RNPC3: variants seen among roughly 807,000 people sequenced by gnomAD.
RNPC3 encodes RNA binding region (RNP1, RRM) containing 3.
In RNPC3, 48 loss-of-function variants were observed where a neutral mutation model predicts 67.5. The ratio of observed to expected loss-of-function variants is 0.71; its 90% CI spans 0.56 to 0.90. The LOEUF (loss-of-function observed/expected upper bound fraction) is 0.90. Among genes scored for constraint, RNPC3 ranks in the 40% least tolerant of loss-of-function variants. RNPC3 has a pLI of 0.00. For synonymous variants in RNPC3, 239 were observed against 210.3 expected, an observed-to-expected ratio of 1.14 and a Z score of -1.18; for missense variants, 637 against 626.1, an observed-to-expected ratio of 1.02 and a Z score of -0.19.
intron 3 of RNPC3, 135 bp from the exon 4 acceptor site, chr1:103,534,639 A>C: frequency 1.6e-6 from 1 of 612,858 alleles, no homozygotes; most frequent in Middle Eastern, 4.4e-4. Context: ...TGCTTGAGAA[A>C]TACTTGAAAG....
At chr1:103,537,251 G>T in intron 6 of RNPC3, 91 bp from the exon 7 acceptor site, 2 of 865,232 alleles carry the variant, frequency 2.3e-6, no homozygotes, top group Non-Finnish European at 1.7e-6. Flanking sequence ...AAAAGACCAT[G>T]TGATAGAAAT....
intron 12 of RNPC3, among the ~76,000 whole-genome samples, chr1:103,549,572 G>A (rs1365139908): frequency 6.6e-6 from 1 of 151,998 alleles, no homozygotes; most frequent in African/African-American, 2.4e-5. Context: ...TATTACTTTG[G>A]TAGTCTCATA....
rs150654304 is a variant in RNPC3 at position 103,532,980 on chromosome 1, G to T, written c.241-759G>T. Among the ~76,000 whole-genome samples, 67 of 152,104 alleles carry T rather than the reference G, an allele frequency of 4.4e-4. No individual in the cohort carries two copies. In the East Asian group the frequency reaches 0.012, roughly 28 times the overall value. On this transcript the variant is annotated intron_variant, in intron 2 of 14. Transcript: ENST00000423855. ...TACAAATTTAGGATGGGAGAAATAG[G>T]AGCATGTTTTCATACTGATACGGAT...
intron 8 of RNPC3, among the ~76,000 whole-genome samples, chr1:103,541,737 G>A (rs866080654): frequency 6.6e-5 from 10 of 152,054 alleles, no homozygotes; most frequent in Middle Eastern, 3.4e-3. Flanking sequence ...AGATATTGTC[G>A]AAAACAAAAT....
At chr1:103,538,291 A>C (rs1651043233) in intron 7 of RNPC3, among the ~76,000 whole-genome samples, 1 of 152,196 alleles carries the variant, frequency 6.6e-6, no homozygotes, top group African/African-American at 2.4e-5. Flanking sequence ...ACAAACAAGT[A>C]TCCTTTTCAT....
At chr1:103,541,229 GT>G in intron 7 of RNPC3, 120 bp from the exon 8 acceptor site, 1 of 660,648 alleles carries the variant, frequency 1.5e-6, no homozygotes, top group South Asian at 2.5e-5. Flanking sequence ...TTTGATGTAA[GT>G]AAATCATTTT....
At chr1:103,526,920 C>G (rs1293513614) in intron 1 of RNPC3, among the ~76,000 whole-genome samples, 3 of 151,828 alleles carry the variant, frequency 2.0e-5, no homozygotes, top group Non-Finnish European at 4.4e-5. Context: ...TAAAGTTTCC[C>G]TAGGTGATTT....
chr1:103,544,176 TTGTG>T (rs373005769), intron 9 of RNPC3, among the ~76,000 whole-genome samples: 80 of 151,656 alleles, frequency 5.3e-4, no homozygotes, highest in African/African-American at 1.8e-3. Context: ...GTGTGTGTGT[TTGTG>T]TGTGTGTATG....
At chr1:103,527,264 G>A (rs886368795) in intron 1 of RNPC3, among the ~76,000 whole-genome samples, 4 of 152,100 alleles carry the variant, frequency 2.6e-5, no homozygotes, top group Non-Finnish European at 4.4e-5. Context: ...CAAAGATAAA[G>A]CACAAAGGAA....
chr1:103,544,757 T>A (rs1052506791), intron 9 of RNPC3, among the ~76,000 whole-genome samples, 184 bp from the exon 10 acceptor site: 1 of 151,810 alleles, frequency 6.6e-6, no homozygotes, highest in Non-Finnish European at 1.5e-5. Flanking sequence ...AACAAAATTT[T>A]TTTTTTTTAC....
At chr1:103,537,561 TTG>T in intron 7 of RNPC3, 77 bp downstream of exon 7, 1 of 1,236,804 alleles carries the variant, frequency 8.1e-7, no homozygotes, top group Admixed American at 2.3e-5. Context: ...TCCCTAGATT[TTG>T]TGTGTATAAT....
chr1:103,540,990 C>T (rs1042031437), intron 7 of RNPC3, among the ~76,000 whole-genome samples: 2 of 152,032 alleles, frequency 1.3e-5, no homozygotes, highest in African/African-American at 4.8e-5. Context: ...GATTTAAGAA[C>T]ATTAATATTA....
chr1:103,537,755 G>A (rs1002382572), intron 7 of RNPC3, among the ~76,000 whole-genome samples: 2 of 152,042 alleles, frequency 1.3e-5, no homozygotes, highest in Non-Finnish European at 2.9e-5. Flanking sequence ...CTTGTTATTT[G>A]TGGATTCCAT....
Position 103,527,735 on chromosome 1 carries a change from C to CTA in RNPC3, c.236_237dup (p.Lys80Ter). The CTA allele has an allele frequency of 6.5e-7, 1 of 1,546,766 alleles. No homozygotes were observed. Among genetic ancestry groups the CTA allele is most frequent in the South Asian group, 1.2e-5 (1 of 83,776 alleles). On this transcript the variant is annotated frameshift_variant, in exon 2 of 15. Transcript: ENST00000423855. LOFTEE classifies it high-confidence loss of function. ...GCCACATTCCCTAATGAAAAAGCAG[C>CTA]TATAAAGGTATGACTTTTTCTTGAC...
At chr1:103,542,624 TGTTATA>T (rs1476694651) in intron 8 of RNPC3, among the ~76,000 whole-genome samples, 2 of 151,950 alleles carry the variant, frequency 1.3e-5, no homozygotes, top group Admixed American at 6.6e-5. Flanking sequence ...TTGGACATTT[TGTTATA>T]GTCCAGAAGT....
intron 12 of RNPC3, 22 bp from the exon 13 acceptor site, chr1:103,550,919 C>T (rs1453174585): frequency 1.9e-6 from 3 of 1,606,026 alleles, no homozygotes; most frequent in Non-Finnish European, 2.5e-6. Context: ...TTCTTTGAAT[C>T]AAAACTGTTT....
intron 2 of RNPC3, among the ~76,000 whole-genome samples, chr1:103,530,829 G>A (rs1019354256): frequency 3.2e-4 from 48 of 152,154 alleles, no homozygotes; most frequent in African/African-American, 1.2e-3. Context: ...TTTGAAGGTA[G>A]AAGCAAGGAT....
intron 14 of RNPC3, 39 bp downstream of exon 14, chr1:103,551,831 T>G (rs1651395579): frequency 1.9e-6 from 2 of 1,041,114 alleles, no homozygotes; most frequent in East Asian, 5.6e-5. Flanking sequence ...ACAAGACTAA[T>G]TCTTGAGATA....
chr1:103,534,191 AT>A (rs1366169766), intron 3 of RNPC3, among the ~76,000 whole-genome samples: 1 of 152,010 alleles, frequency 6.6e-6, no homozygotes, highest in Non-Finnish European at 1.5e-5. Flanking sequence ...CAAGACTGGC[AT>A]TTTGTTTCTG....
Sources: allele counts gnomAD v4.1 joint callset (sites outside exome capture counted in the v4.1 genomes callset), GRCh38; gene constraint gnomAD v4.1.1; transcripts MANE v1.5; gene names NCBI Gene and HGNC (gene_info 2026-07-23, HGNC 2026-07-21).